Variants in FBLN5 observed in about 807,000 individuals in gnomAD.
The protein encoded by FBLN5 is fibulin 5.
A neutral mutation model predicts 61.6 loss-of-function variants in FBLN5; 24 were observed. That is an observed-to-expected ratio of 0.39 (90% CI 0.28 to 0.55). The LOEUF (loss-of-function observed/expected upper bound fraction) is 0.55, where lower values mean the gene tolerates loss of function less well. Ranked by LOEUF, FBLN5 falls within the 20% of genes least tolerant of loss-of-function variation. The probability of loss-of-function intolerance (pLI) is 0.65; values close to 1 mark genes in which losing one functional copy is unlikely to be tolerated. For synonymous variants in FBLN5, 213 were observed against 219.8 expected, an observed-to-expected ratio of 0.97 and a Z score of 0.27; for missense variants, 470 against 594.1, an observed-to-expected ratio of 0.79 and a Z score of 2.17.
intron 3 of FBLN5, among the ~76,000 whole-genome samples, chr14:91,940,270 G>T: frequency 6.6e-6 from 1 of 152,162 alleles, no homozygotes; most frequent in East Asian, 1.9e-4. Flanking sequence ...TCATACACTG[G>T]TGTTGTTTAA....
intron 7 of FBLN5, among the ~76,000 whole-genome samples, chr14:91,883,656 A>C (rs1459485146): frequency 6.7e-6 from 1 of 149,280 alleles, no homozygotes; most frequent in Non-Finnish European, 1.5e-5. Flanking sequence ...AAAAAAAAAA[A>C]CAAAAAAAAC....
At chr14:91,946,265 T>C (rs2056182083) in intron 1 of FBLN5, among the ~76,000 whole-genome samples, 1 of 144,646 alleles carries the variant, frequency 6.9e-6, no homozygotes, top group Non-Finnish European at 1.5e-5. Flanking sequence ...GCATCACGAA[T>C]AGCTGCACCT....
At position 91,931,835 on chromosome 14, in the gene FBLN5, C is replaced by A. The variant is rs373575808; in HGVS notation, c.379+5112G>T. 3.3e-5 allele frequency among the ~76,000 whole-genome samples: 5 copies of A among 152,280 alleles called. No homozygotes were observed. The East Asian group carries it at 9.7e-4, about 29-fold the overall frequency. On this transcript the variant is annotated intron_variant, in intron 4 of 10. Transcript: ENST00000342058. Reference sequence around the variant, plus strand: ...TTCAGGGACCCGGTCTTAGAGGCAGCGTGCCATGAGAGGAAGGTTCCTGAA... The same window carrying A: ...TTCAGGGACCCGGTCTTAGAGGCAGAGTGCCATGAGAGGAAGGTTCCTGAA...
chr14:91,899,853 C>T (rs1890383778), intron 4 of FBLN5, among the ~76,000 whole-genome samples: 1 of 152,216 alleles, frequency 6.6e-6, no homozygotes, highest in Non-Finnish European at 1.5e-5. Context: ...CAGAAAAGAT[C>T]TTACAAAGGC....
At chr14:91,915,547 C>T (rs190932327) in intron 4 of FBLN5, among the ~76,000 whole-genome samples, 2 of 151,276 alleles carry the variant, frequency 1.3e-5, no homozygotes, top group East Asian at 2.0e-4. Flanking sequence ...TTAGCCCAGG[C>T]GTGGTGGTGG....
chr14:91,944,548 G>A (rs186184962), intron 1 of FBLN5, among the ~76,000 whole-genome samples: 2 of 152,344 alleles, frequency 1.3e-5, no homozygotes, highest in Admixed American at 6.5e-5. Flanking sequence ...AAAGGTGGAC[G>A]CAGTCCTTCG....
chr14:91,895,105 T>G (rs566394460), intron 4 of FBLN5, 33 bp from the exon 5 acceptor site: 1 of 1,613,240 alleles, frequency 6.2e-7, no homozygotes, highest in African/African-American at 1.3e-5. Context: ...AGAATGTCAC[T>G]CACATCCATC....
intron 6 of FBLN5, among the ~76,000 whole-genome samples, chr14:91,888,290 C>A (rs1390439610): frequency 2.7e-5 from 4 of 150,224 alleles, no homozygotes; most frequent in African/African-American, 7.4e-5. Flanking sequence ...CAGAGTGAGA[C>A]CCTGTCTCAA....
chr14:91,922,719 G>A (rs1157397818), intron 4 of FBLN5, among the ~76,000 whole-genome samples: 2 of 152,190 alleles, frequency 1.3e-5, no homozygotes, highest in African/African-American at 4.8e-5. Flanking sequence ...GGTCAATCTG[G>A]GAGGATTCTT....
At chr14:91,898,557 T>C (rs987341315) in intron 4 of FBLN5, among the ~76,000 whole-genome samples, 1 of 151,978 alleles carries the variant, frequency 6.6e-6, no homozygotes, top group Non-Finnish European at 1.5e-5. Flanking sequence ...TTGACTTAAA[T>C]CACAGAAGGA....
At chr14:91,919,394 G>GA (rs2055691093) in intron 4 of FBLN5, among the ~76,000 whole-genome samples, 1 of 119,154 alleles carries the variant, frequency 8.4e-6, no homozygotes, top group Non-Finnish European at 1.8e-5. Context: ...AGAAAGAAAG[G>GA]AAGGAAGGAA....
chr14:91,885,117 G>C (rs1301756905), intron 7 of FBLN5, among the ~76,000 whole-genome samples: 1 of 152,156 alleles, frequency 6.6e-6, no homozygotes, highest in Non-Finnish European at 1.5e-5. Context: ...GTGCAGAAAG[G>C]GGTTAAGTAG....
chr14:91,922,730 G>A (rs1418940818), intron 4 of FBLN5, among the ~76,000 whole-genome samples: 1 of 152,182 alleles, frequency 6.6e-6, no homozygotes, highest in African/African-American at 2.4e-5. Flanking sequence ...GAGGATTCTT[G>A]GCTTCCTAAG....
At chr14:91,913,763 A>C (rs1045923288) in intron 4 of FBLN5, among the ~76,000 whole-genome samples, 5 of 152,252 alleles carry the variant, frequency 3.3e-5, no homozygotes, top group African/African-American at 1.2e-4. Context: ...AAAGTGAATA[A>C]ATCATGAAGA....
chr14:91,932,399 A>G (rs138716231), intron 4 of FBLN5, among the ~76,000 whole-genome samples: 4,557 of 152,294 alleles, frequency 0.03, 80 homozygotes, highest in Non-Finnish European at 0.042. Context: ...TTGAGGAGGA[A>G]GCTCTGAGGG....
intron 4 of FBLN5, among the ~76,000 whole-genome samples, chr14:91,933,748 C>T (rs1161998440): frequency 1.3e-5 from 2 of 151,964 alleles, no homozygotes; most frequent in Non-Finnish European, 2.9e-5. Flanking sequence ...TAGGTAGGTG[C>T]TTACTATGCT....
At chr14:91,873,091 C>T (rs1381339149) in intron 10 of FBLN5, among the ~76,000 whole-genome samples, 1 of 152,230 alleles carries the variant, frequency 6.6e-6, no homozygotes, top group Non-Finnish European at 1.5e-5. Context: ...TGAGTCCGGC[C>T]TCCACCTGGG....
At chr14:91,921,013 A>G (rs1167939570) in intron 4 of FBLN5, among the ~76,000 whole-genome samples, 1 of 152,234 alleles carries the variant, frequency 6.6e-6, no homozygotes, top group Non-Finnish European at 1.5e-5. Context: ...AAAGTACCAC[A>G]TTGGGAATTC....
At chr14:91,872,118 A>G (rs1203077207) in intron 10 of FBLN5, among the ~76,000 whole-genome samples, 5 of 152,170 alleles carry the variant, frequency 3.3e-5, no homozygotes, top group Non-Finnish European at 1.5e-5. Flanking sequence ...TATGAAAGGT[A>G]TGACTCATTA....
Sources: gnomAD v4.1 joint callset for allele counts (sites outside exome capture counted in the v4.1 genomes callset) on GRCh38, gnomAD v4.1.1 for gene constraint, MANE v1.5 for transcripts, NCBI Gene and HGNC (gene_info 2026-07-23, HGNC 2026-07-21) for gene names.